Variants in LIPG observed in about 807,000 individuals in gnomAD.
LIPG encodes lipase G, endothelial type.
LIPG carries 34 observed loss-of-function variants against 51.8 expected under a neutral mutation model. That is an observed-to-expected ratio of 0.66 (90% CI 0.50 to 0.87). LIPG has a LOEUF of 0.87. LIPG is among the 40% of genes least tolerant of loss of function. The pLI is 0.00. For synonymous variants in LIPG, 246 were observed against 246.1 expected (o/e 1.00, Z 0.00); for missense variants, 580 against 652.7 (o/e 0.89, Z 1.21).
chr18:49,577,930 C>T (rs1296103393), intron 5 of LIPG, among the ~76,000 whole-genome samples: 4 of 108,530 alleles, frequency 3.7e-5, no homozygotes, highest in African/African-American at 8.3e-5. Flanking sequence ...CGGGCAGAGG[C>T]GCCCCTCACC....
rs961591700 is a variant in LIPG at position 49,581,608 on chromosome 18, G to A, written c.987G>A (p.Lys329=). The A allele has an allele frequency of 6.2e-6, 10 of 1,614,100 alleles. No individual in the cohort carries two copies. Among genetic ancestry groups the A allele is most frequent in the Admixed American group, 1.7e-5 (1 of 60,006 alleles). The change falls in exon 6 of 10, where the codon AAG becomes AAA. Residue 329 remains lysine, a synonymous_variant. Coordinates refer to ENST00000261292, the MANE Select transcript of LIPG (RefSeq NM_006033.4). ...ACAATGCCAAGAAAATGAGGAACAAGAGGAACAGCAAAATGTACCTAAAAA... is the reference window on the plus strand; with the variant it reads ...ACAATGCCAAGAAAATGAGGAACAAAAGGAACAGCAAAATGTACCTAAAAA... The part of the protein sequence containing the change: ...IGYNAKKMRN[K]RNSKMYLKTR...
chr18:49,581,601 G>A lies in LIPG; in HGVS notation c.980G>A (p.Arg327Lys), dbSNP rs2084821207. ...ATTGGCTACAATGCCAAGAAAATGA[G>A]GAACAAGAGGAACAGCAAAATGTAC... ...NSIGYNAKKM[R>K]NKRNSKMYLK... Residue 327 changes from arginine to lysine, a missense_variant, in exon 6 of 10, where the codon AGG (arginine) becomes AAG (lysine). By Grantham distance (26) the Arg-to-Lys change is conservative. Coordinates refer to ENST00000261292, the MANE Select transcript of LIPG (RefSeq NM_006033.4). 6.8e-6 allele frequency: 11 copies of A among 1,614,192 alleles called. No homozygotes were observed. The highest frequency in any genetic ancestry group is 9.3e-6 in the Non-Finnish European group (11 of 1,180,034).
At chr18:49,572,572 CAG>C in intron 4 of LIPG, among the ~76,000 whole-genome samples, 1 of 151,688 alleles carries the variant, frequency 6.6e-6, no homozygotes. Context: ...CTTCTGTGGA[CAG>C]AGATAAAGTA....
Position 49,592,969 on chromosome 18 carries a change from G to A in LIPG, c.*2447G>A, listed in dbSNP as rs1600575175. 1 of 110,782 alleles carries A rather than the reference G, an allele frequency of 9.0e-6. No homozygotes were observed. Among genetic ancestry groups the A allele is most frequent in the African/African-American group, 3.6e-5 (1 of 27,586 alleles). The allele number at this position is 110,782 out of a possible 1,614,324, so 6.9% of individuals were successfully genotyped here. ...TTTTTTTGAGACAGAGCCTCTCTCT[G>A]TCACCCAGGCTGGAGTGCAGTGGCA... is the stretch of plus-strand genomic sequence containing the variant. On this transcript the variant is annotated 3_prime_UTR_variant, in exon 10 of 10. Transcript: ENST00000261292.
chr18:49,583,446 C>A, intron 7 of LIPG, 110 bp from the exon 8 acceptor site: 1 of 869,206 alleles, frequency 1.2e-6, no homozygotes, highest in Non-Finnish European at 1.9e-6. Context: ...AGCACTCACA[C>A]TGTCTCTCTC....
chr18:49,571,873 G>C (rs1266880715), intron 4 of LIPG, among the ~76,000 whole-genome samples: 1 of 152,190 alleles, frequency 6.6e-6, no homozygotes, highest in Non-Finnish European at 1.5e-5. Flanking sequence ...TTAGGCTTCT[G>C]AGAGAAGCCT....
intron 8 of LIPG, among the ~76,000 whole-genome samples, chr18:49,584,390 C>A (rs1381534991): frequency 6.6e-6 from 1 of 152,196 alleles, no homozygotes; most frequent in Admixed American, 6.5e-5. Context: ...AGATCCAGAT[C>A]TTTCTATCAG....
rs1568540066 is a variant in LIPG, at chr18:49,591,710, A to G, written c.*1188A>G. ...TAGATCTTGATTTGAATTAATACAC[A>G]CAATATCTGAGACACTTACACTTTT... On this transcript the variant is annotated 3_prime_UTR_variant, in exon 10 of 10. Transcript: ENST00000261292. 6.6e-6 allele frequency: 1 copy of G among 152,214 alleles called. No individual in the cohort carries two copies. Among genetic ancestry groups the G allele is most frequent in the East Asian group, 1.9e-4 (1 of 5,200 alleles). 9.4% of individuals were successfully genotyped at this position (152,214 alleles called of 1,614,324 possible).
At chr18:49,579,405 C>T (rs1480962542) in intron 5 of LIPG, among the ~76,000 whole-genome samples, 2 of 151,792 alleles carry the variant, frequency 1.3e-5, no homozygotes, top group Admixed American at 6.6e-5. Flanking sequence ...CCTGAGATTA[C>T]AGGCGCAAAC....
chr18:49,597,983 A>G lies in LIPG; in HGVS notation c.*7461A>G, dbSNP rs368914714. ...CTCAACTATTTATTGTGAGGGAGAT[A>G]ATTCATTTTCATTTTCCTGCCAGAG... On this transcript the variant is annotated 3_prime_UTR_variant, in exon 10 of 10. Transcript: ENST00000261292. The G allele has an allele frequency of 1.3e-5, 2 of 152,170 alleles. No individual in the cohort carries two copies. Among genetic ancestry groups the G allele is most frequent in the African/African-American group, 4.8e-5 (2 of 41,420 alleles). The allele number at this position is 152,170 out of a possible 1,614,324, so 9.4% of individuals were successfully genotyped here. A position where few individuals can be genotyped will look rare whatever the true frequency, so the allele number is the denominator to read the frequency against.
chr18:49,561,606 G>A (rs2084550131), upstream of LIPG: 1 of 1,067,110 alleles, frequency 9.4e-7, no homozygotes, highest in Admixed American at 4.2e-5. Flanking sequence ...ATGACCAGGT[G>A]GCTCTCCCCC....
intron 6 of LIPG, 163 bp downstream of exon 6, chr18:49,581,820 A>C: frequency 1.1e-6 from 1 of 884,074 alleles, no homozygotes; most frequent in Non-Finnish European, 1.8e-6. Context: ...AGGAAAGGGA[A>C]TCTTTACAAA....
chr18:49,593,685 T>C lies in LIPG; in HGVS notation c.*3163T>C, dbSNP rs2084964985. The C allele has an allele frequency of 6.6e-6, 1 of 152,188 alleles. No homozygotes were observed. The highest frequency in any genetic ancestry group is 1.5e-5 in the Non-Finnish European group (1 of 68,058). 9.4% of individuals were successfully genotyped at this position (152,188 alleles called of 1,614,324 possible). On this transcript the variant is annotated 3_prime_UTR_variant, in exon 10 of 10. Coordinates refer to ENST00000261292, the MANE Select transcript of LIPG (RefSeq NM_006033.4). ...GCATCCCCACAGCCCAGGGGTCCCC[T>C]ACCAGCCAATGGAAAGCCAGAAAAG... is the stretch of plus-strand genomic sequence containing the variant.
intron 2 of LIPG, among the ~76,000 whole-genome samples, chr18:49,566,415 A>G (rs1185949305): frequency 6.6e-6 from 1 of 152,212 alleles, no homozygotes; most frequent in African/African-American, 2.4e-5. Flanking sequence ...GTTGCATTCC[A>G]GAAAGTTCTT....
In LIPG at chr18:49,565,385, T is replaced by C. The variant is rs779583435; in HGVS notation, c.166T>C (p.Ser56Pro). ...KPSVRFNLRT[S>P]KDPEHEGCYL... ...ATCTGTGAGGTTTAACCTCCGCACC[T>C]CCAAGGACCCAGAGCATGAAGGATG... is the stretch of plus-strand genomic sequence containing the variant. The change falls in exon 2 of 10, where the codon TCC (serine) becomes CCC (proline). Residue 56 changes from serine to proline, a missense_variant. Coordinates refer to ENST00000261292, the MANE Select transcript of LIPG (RefSeq NM_006033.4). The C allele has an allele frequency of 1.9e-6, 3 of 1,614,140 alleles. No homozygotes were observed. Among genetic ancestry groups the C allele is most frequent in the South Asian group, 2.2e-5 (2 of 91,084 alleles).
chr18:49,586,649 C>A, intron 8 of LIPG, 97 bp from the exon 9 acceptor site: 1 of 851,004 alleles, frequency 1.2e-6, no homozygotes, highest in Non-Finnish European at 2.0e-6. Flanking sequence ...ATGAAAATTT[C>A]ACCCCTGCCT....
At chr18:49,565,176 G>T (rs1475072796) in intron 1 of LIPG, 141 bp from the exon 2 acceptor site, 4 of 749,008 alleles carry the variant, frequency 5.3e-6, no homozygotes, top group Non-Finnish European at 9.3e-6. Flanking sequence ...TCTGGGAGGT[G>T]AAAAGGGAAC....
In LIPG at chr18:49,582,453, T is replaced by C; in HGVS notation, c.1128T>C (p.Asn376=). 1 of 1,614,240 alleles carries C rather than the reference T, an allele frequency of 6.2e-7. No homozygotes were observed. Among genetic ancestry groups the C allele is most frequent in the East Asian group, 2.2e-5 (1 of 44,888 alleles). ...TTTACGTCACCCTTTATGGCACTAA[T>C]GCAGATTCCCAGACTCTGCCACTGG... ...PTFYVTLYGT[N]ADSQTLPLEI... Residue 376 remains asparagine (N), a synonymous_variant, in exon 7 of 10, where the codon AAT becomes AAC. Transcript: ENST00000261292.
At position 49,595,608 on chromosome 18, in the gene LIPG, T is replaced by A. The variant is rs934828746; in HGVS notation, c.*5086T>A. On this transcript the variant is annotated 3_prime_UTR_variant, in exon 10 of 10. Coordinates refer to ENST00000261292, the MANE Select transcript of LIPG (RefSeq NM_006033.4). ...ACTTTGGGAGGCTGAGATGGGAGGA[T>A]CACGAGGTCAGGAGTGCGAGACCAG... 1 of 152,180 alleles carries A rather than the reference T, an allele frequency of 6.6e-6. No homozygotes were observed. The highest frequency in any genetic ancestry group is 2.4e-5 in the African/African-American group (1 of 41,450). The allele number at this position is 152,180 out of a possible 1,614,324, so 9.4% of individuals were successfully genotyped here.
Sources: allele counts gnomAD v4.1 joint callset (sites outside exome capture counted in the v4.1 genomes callset), GRCh38; gene constraint gnomAD v4.1.1; transcripts MANE v1.5; gene names NCBI Gene and HGNC (gene_info 2026-07-23, HGNC 2026-07-21).